ENTPD3: variants seen among roughly 807,000 people sequenced by gnomAD.
The protein encoded by ENTPD3 is ectonucleoside triphosphate diphosphohydrolase 3, also known as CD39 antigen-like 3.
A neutral mutation model predicts 51.2 loss-of-function variants in ENTPD3; 60 were observed. That is an observed-to-expected ratio of 1.17 (90% CI 0.95 to 1.45). The LOEUF (loss-of-function observed/expected upper bound fraction) is 1.45, where lower values mean the gene tolerates loss of function less well. Among genes scored for constraint, ENTPD3 ranks in the 40% most tolerant of loss-of-function variants. The pLI is 0.00. For synonymous variants in ENTPD3, 221 were observed against 238.4 expected (o/e 0.93, Z 0.67); for missense variants, 593 against 641.1 (o/e 0.93, Z 0.81).
chr3:40,411,308 A>AAAAAAG (rs1553643973), intron 4 of ENTPD3, among the ~76,000 whole-genome samples: 11 of 148,760 alleles, frequency 7.4e-5, no homozygotes, highest in African/African-American at 2.2e-4. Context: ...AAAAAAAAGA[A>AAAAAAG]AAAAAGAAAA....
chr3:40,415,552 G>A (rs538940152), intron 6 of ENTPD3, among the ~76,000 whole-genome samples: 94 of 152,162 alleles, frequency 6.2e-4, no homozygotes, highest in African/African-American at 2.0e-3. Flanking sequence ...ATTCCTGCAC[G>A]GTAACAGGAA....
intron 5 of ENTPD3, 22 bp from the exon 6 acceptor site, chr3:40,414,659 G>C: frequency 6.2e-7 from 1 of 1,613,408 alleles, no homozygotes. Context: ...ACTCAGACTT[G>C]TTTGTTCTGT....
Position 40,423,378 on chromosome 3 carries a change from T to A in ENTPD3, c.1192T>A (p.Phe398Ile). Residue 398 changes from phenylalanine (F) to isoleucine (I), a missense_variant, in exon 9 of 11, where the codon TTC becomes ATC. Transcript: ENST00000301825. ...CACCTTCAACTCCAGCACCTGGAAT[T>A]TCTGCTCACAGAATTGGAGTCAGGT... ...LDTFNSSTWNFCSQNWSQLPL... is the reference protein window; with the variant it reads ...LDTFNSSTWNICSQNWSQLPL... The A allele has an allele frequency of 6.2e-7, 1 of 1,613,386 alleles. No homozygotes were observed. The highest frequency in any genetic ancestry group is 8.5e-7 in the Non-Finnish European group (1 of 1,179,334).
intron 2 of ENTPD3, among the ~76,000 whole-genome samples, chr3:40,389,989 A>G (rs1412947111): frequency 6.6e-6 from 1 of 152,232 alleles, no homozygotes; most frequent in Non-Finnish European, 1.5e-5. Flanking sequence ...CCAATATAGT[A>G]GCCACTAGCC....
chr3:40,392,982 C>G (rs928005371), intron 3 of ENTPD3, among the ~76,000 whole-genome samples: 1 of 151,326 alleles, frequency 6.6e-6, no homozygotes, highest in Admixed American at 6.6e-5. Context: ...CAACAACACC[C>G]CCCCGGCAAA....
intron 7 of ENTPD3, among the ~76,000 whole-genome samples, chr3:40,421,330 A>G (rs1298557613): frequency 6.6e-6 from 1 of 152,168 alleles, no homozygotes. Flanking sequence ...AGCCAAAAGA[A>G]AAGATTTTAC....
At chr3:40,415,381 G>A (rs905300305) in intron 6 of ENTPD3, among the ~76,000 whole-genome samples, 2 of 152,082 alleles carry the variant, frequency 1.3e-5, no homozygotes, top group Admixed American at 1.3e-4. Context: ...AGCATATCCA[G>A]CCCAAGACCT....
Position 40,427,265 on chromosome 3 carries a change from T to C in ENTPD3, c.1354-7T>C, listed in dbSNP as rs74986434. The C allele has an allele frequency of 2.6e-4, 427 of 1,612,544 alleles. No homozygotes were observed. In the East Asian group the frequency reaches 8.2e-3, roughly 31 times the overall value. On this transcript the variant is annotated splice_polypyrimidine_tract_variant and splice_region_variant and intron_variant, in intron 10 of 10. Coordinates refer to ENST00000301825, the MANE Select transcript of ENTPD3 (RefSeq NM_001248.4). ...CTGAGCGCTGAGCCATCTCCTCTAC[T>C]CCACAGGTGGGGAATAGCAGCATAG...
At chr3:40,414,902 A>G (rs1449860034) in intron 6 of ENTPD3, 62 bp downstream of exon 6, 2 of 1,553,508 alleles carry the variant, frequency 1.3e-6, no homozygotes, top group Non-Finnish European at 1.8e-6. Context: ...TGTGAGTGAT[A>G]GCCTAAGTAG....
At chr3:40,406,653 A>T (rs1384285778) in intron 4 of ENTPD3, among the ~76,000 whole-genome samples, 2 of 152,252 alleles carry the variant, frequency 1.3e-5, no homozygotes, top group Middle Eastern at 6.8e-3. Flanking sequence ...CTCCCGGGAA[A>T]CATTTTGCAA....
chr3:40,426,413 C>G (rs1955986636), intron 10 of ENTPD3, among the ~76,000 whole-genome samples: 4 of 151,804 alleles, frequency 2.6e-5, no homozygotes, highest in Non-Finnish European at 5.9e-5. Context: ...CCACAGATAT[C>G]ATTTTTAAGG....
chr3:40,412,419 T>C (rs1955656206), intron 5 of ENTPD3, among the ~76,000 whole-genome samples: 2 of 152,216 alleles, frequency 1.3e-5, no homozygotes, highest in African/African-American at 2.4e-5. Flanking sequence ...GTCAAAGCTT[T>C]TGGAGTTGTT....
chr3:40,425,975 T>G (rs1955974086), intron 10 of ENTPD3, among the ~76,000 whole-genome samples: 1 of 151,366 alleles, frequency 6.6e-6, no homozygotes, highest in Non-Finnish European at 1.5e-5. Context: ...ACTCCATTCA[T>G]ATGACTCAAG....
chr3:40,390,103 T>A (rs994546893), intron 2 of ENTPD3, among the ~76,000 whole-genome samples: 2 of 152,354 alleles, frequency 1.3e-5, no homozygotes, highest in African/African-American at 4.8e-5. Flanking sequence ...ATTAGATATA[T>A]ATTGGAATTC....
In ENTPD3 at chr3:40,390,800, G is replaced by A. The variant is rs564078278; in HGVS notation, c.41-1223G>A. On this transcript the variant is annotated intron_variant, in intron 2 of 10. Transcript: ENST00000301825. ...CCATATACTCCACACTCTGTATAGC[G>A]CATTGCCATTACCCCAAGAAAGTGC... Among the ~76,000 whole-genome samples, 28 of 152,090 alleles carry A rather than the reference G, an allele frequency of 1.8e-4. 1 individual carries two copies. The South Asian group carries it at 4.2e-3, about 23-fold the overall frequency.
chr3:40,405,275 C>T (rs543828629), intron 4 of ENTPD3, among the ~76,000 whole-genome samples: 15 of 152,148 alleles, frequency 9.9e-5, no homozygotes, highest in African/African-American at 2.6e-4. Context: ...GGAGGTGAGG[C>T]GGGTGGATCA....
chr3:40,422,956 G>C lies in ENTPD3; in HGVS notation c.938G>C (p.Arg313Thr). ...GATAGCCTGTGCACTGTGGACCAGAGGCCAGAAAGTTATAACCCCAATGAT... is the reference window on the plus strand; with the variant it reads ...GATAGCCTGTGCACTGTGGACCAGACGCCAGAAAGTTATAACCCCAATGAT... ...VFDSLCTVDQ[R>T]PESYNPNDVI... Residue 313 changes from arginine to threonine, a missense_variant, in exon 8 of 11, where the codon AGG becomes ACG. Arg to Thr is a moderately conservative substitution (Grantham distance 71). Coordinates refer to ENST00000301825, the MANE Select transcript of ENTPD3 (RefSeq NM_001248.4). The C allele has an allele frequency of 6.2e-7, 1 of 1,614,074 alleles. No homozygotes were observed. The highest frequency in any genetic ancestry group is 8.5e-7 in the Non-Finnish European group (1 of 1,180,008).
intron 4 of ENTPD3, among the ~76,000 whole-genome samples, chr3:40,405,419 T>C (rs1575217689): frequency 1.3e-5 from 2 of 151,804 alleles, no homozygotes; most frequent in African/African-American, 4.8e-5. Context: ...GCAGGAGAAT[T>C]GCTTGAACCC....
chr3:40,421,992 T>C (rs1038891780), intron 7 of ENTPD3, among the ~76,000 whole-genome samples: 1 of 152,174 alleles, frequency 6.6e-6, no homozygotes, highest in Non-Finnish European at 1.5e-5. Flanking sequence ...GGATGGGTGA[T>C]ATTCTACTTA....
Sources: gnomAD v4.1 joint callset for allele counts (sites outside exome capture counted in the v4.1 genomes callset) on GRCh38, gnomAD v4.1.1 for gene constraint, MANE v1.5 for transcripts, NCBI Gene and HGNC (gene_info 2026-07-23, HGNC 2026-07-21) for gene names.